SV2B: variants seen among roughly 807,000 people sequenced by gnomAD.
SV2B encodes solute carrier family 22 member B2.
In SV2B, 41 loss-of-function variants were observed where a neutral mutation model predicts 73.9. The observed-to-expected ratio is 0.56, with a 90% CI of 0.43 to 0.72. SV2B has a LOEUF of 0.72. Ranked by LOEUF, SV2B falls within the 30% of genes least tolerant of loss-of-function variation. The pLI is 0.00. For missense variants in SV2B, 764 were observed against 857.8 expected (o/e 0.89, Z 1.37); for synonymous variants, 314 against 314.2 (o/e 1.00, Z 0.01).
At chr15:91,131,886 G>A (rs527459960) in intron 1 of SV2B, among the ~76,000 whole-genome samples, 1 of 152,066 alleles carries the variant, frequency 6.6e-6, no homozygotes, top group Non-Finnish European at 1.5e-5. Context: ...TTGCTTGAAC[G>A]TGGGAGGCAG....
At chr15:91,181,814 C>T (rs2044588042) in intron 1 of SV2B, among the ~76,000 whole-genome samples, 1 of 151,130 alleles carries the variant, frequency 6.6e-6, no homozygotes, top group African/African-American at 2.4e-5. Flanking sequence ...GGGGTATTTG[C>T]AAAGTAATGT....
At chr15:91,266,142 A>G (rs12914276) in intron 6 of SV2B, among the ~76,000 whole-genome samples, 41,938 of 152,188 alleles carry the variant, frequency 0.28, 7,024 homozygotes, top group African/African-American at 0.47. Flanking sequence ...ACTGTGTCTC[A>G]AAAAACAAAA....
intron 1 of SV2B, among the ~76,000 whole-genome samples, chr15:91,212,656 G>C (rs1272672676): frequency 6.6e-6 from 1 of 151,970 alleles, no homozygotes; most frequent in African/African-American, 2.4e-5. Flanking sequence ...TGTTCTGGTA[G>C]AGAATAAAGG....
rs11858147 is a variant in SV2B at position 91,117,594 on chromosome 15, C to T, written c.-392+17231C>T. 8.8e-3 allele frequency among the ~76,000 whole-genome samples: 1,348 copies of T among 152,344 alleles called. 17 individuals carry two copies. The highest frequency in any genetic ancestry group is 0.031 in the African/African-American group (1,289 of 41,572). The stretch of plus-strand genomic sequence containing the variant: ...CAGCAGCTACCAGGGACATATTCTT[C>T]TCCTTCTTCTCATGCCAAATGGCAG... On this transcript the variant is annotated intron_variant, in intron 1 of 12. Transcript: ENST00000394232.
At chr15:91,211,985 T>C (rs2045885286) in intron 1 of SV2B, among the ~76,000 whole-genome samples, 1 of 152,130 alleles carries the variant, frequency 6.6e-6, no homozygotes, top group Admixed American at 6.5e-5. Flanking sequence ...GAATTATTTT[T>C]GAATCAACTC....
intron 1 of SV2B, among the ~76,000 whole-genome samples, chr15:91,172,040 G>A (rs952830854): frequency 1.3e-5 from 2 of 152,188 alleles, no homozygotes; most frequent in African/African-American, 4.8e-5. Flanking sequence ...GGGGTTAAGT[G>A]TATGTGTACA....
chr15:91,260,645 A>T (rs532286849), intron 6 of SV2B, among the ~76,000 whole-genome samples: 2 of 152,270 alleles, frequency 1.3e-5, no homozygotes, highest in East Asian at 1.9e-4. Context: ...TCATGCCTGT[A>T]ATCCCAGCAC....
rs763065799 is a variant in SV2B, at chr15:91,292,443, T to C, written c.1943T>C (p.Phe648Ser). ...CTGGGAAACACCATCTTTGCTTCTT[T>C]TGTTGGGATAACCAAAGTGGTCCCC... is the stretch of plus-strand genomic sequence containing the variant. ...AILGNTIFAS[F>S]VGITKVVPIL... Residue 648 changes from phenylalanine (F) to serine (S), a missense_variant, in exon 13 of 13, where the codon TTT becomes TCT. Phe to Ser is a radical substitution (Grantham distance 155, BLOSUM62 -2). Transcript: ENST00000394232. The C allele has an allele frequency of 5.6e-6, 9 of 1,614,216 alleles. No individual in the cohort carries two copies. Among genetic ancestry groups the C allele is most frequent in the Non-Finnish European group, 7.6e-6 (9 of 1,180,040 alleles).
rs566759170 is a variant in SV2B at position 91,253,223 on chromosome 15, A to G, written c.784+703A>G. Among the ~76,000 whole-genome samples, 6 of 152,242 alleles carry G rather than the reference A, an allele frequency of 3.9e-5. No homozygotes were observed. The highest frequency in any genetic ancestry group is 8.8e-5 in the Non-Finnish European group (6 of 68,040). On this transcript the variant is annotated intron_variant, in intron 4 of 12. Coordinates refer to ENST00000394232, the MANE Select transcript of SV2B (RefSeq NM_001323032.3). The surrounding 1 kb of genome is among the most constrained non-coding windows in gnomAD (Gnocchi z 5.0). ...TTGACTTTGATTCTGCTTTTGGAGT[A>G]TACTTAGTAATACTATCATCATCAT... is the stretch of plus-strand genomic sequence containing the variant.
intron 1 of SV2B, among the ~76,000 whole-genome samples, chr15:91,217,421 G>T (rs986688045): frequency 6.6e-6 from 1 of 152,074 alleles, no homozygotes; most frequent in Non-Finnish European, 1.5e-5. Flanking sequence ...CTGAACGTTT[G>T]GGGGGAGGGG....
rs565710199 is a variant in SV2B at position 91,165,489 on chromosome 15, A to T, written c.-391-60384A>T. ...AAGTAATGCAGATGATTTAAAGTAT[A>T]TGGCAGGCTGTGCATAGGTTATATA... On this transcript the variant is annotated intron_variant, in intron 1 of 12. Transcript: ENST00000394232. Among the ~76,000 whole-genome samples the T allele has an allele frequency of 1.7e-4, 26 of 152,334 alleles. No individual in the cohort carries two copies. In the South Asian group the frequency reaches 4.8e-3, roughly 28 times the overall value.
intron 1 of SV2B, among the ~76,000 whole-genome samples, chr15:91,215,491 G>C (rs954819442): frequency 1.3e-5 from 2 of 151,920 alleles, no homozygotes; most frequent in East Asian, 1.9e-4. Flanking sequence ...CAGAGGAACA[G>C]AGAGAGAGAG....
In SV2B at chr15:91,223,625, T is replaced by C. The variant is rs2046285321; in HGVS notation, c.-391-2248T>C. On this transcript the variant is annotated intron_variant, in intron 1 of 12. Transcript: ENST00000394232. The surrounding 1 kb of genome is among the most constrained non-coding windows in gnomAD (Gnocchi z 4.6). ...CAGTCAGGTGGCGTTCTTTCCATGT[T>C]TTTATAGCGCTCTGCAAACTCTCCT... Among the ~76,000 whole-genome samples the C allele has an allele frequency of 6.6e-6, 1 of 152,164 alleles. No individual in the cohort carries two copies. Among genetic ancestry groups the C allele is most frequent in the East Asian group, 1.9e-4 (1 of 5,202 alleles).
chr15:91,281,095 G>A lies in SV2B; in HGVS notation c.1374-633G>A, dbSNP rs551216524. ...TAGTAATCCATTGTTGTTACAAGCA[G>A]TGTTACAATGAAGATCAGTGAATGT... is the stretch of plus-strand genomic sequence containing the variant. On this transcript the variant is annotated intron_variant, in intron 9 of 12. Transcript: ENST00000394232. The surrounding 1 kb of genome is among the most constrained non-coding windows in gnomAD (Gnocchi z 4.7). 1.3e-5 allele frequency among the ~76,000 whole-genome samples: 2 copies of A among 152,324 alleles called. No individual in the cohort carries two copies. The highest frequency in any genetic ancestry group is 3.9e-4 in the East Asian group (2 of 5,192).
chr15:91,206,967 G>T (rs2045664080), intron 1 of SV2B, among the ~76,000 whole-genome samples: 1 of 152,096 alleles, frequency 6.6e-6, no homozygotes, highest in African/African-American at 2.4e-5. Context: ...TTGAGAGAGT[G>T]AGAAGGGAGA....
chr15:91,190,469 C>G (rs988124139), intron 1 of SV2B, among the ~76,000 whole-genome samples: 1 of 152,082 alleles, frequency 6.6e-6, no homozygotes, highest in African/African-American at 2.4e-5. Flanking sequence ...GAAAATTCCC[C>G]CATTCAGCAG....
At chr15:91,204,505 A>G (rs2045566355) in intron 1 of SV2B, among the ~76,000 whole-genome samples, 1 of 150,798 alleles carries the variant, frequency 6.6e-6, no homozygotes, top group Admixed American at 6.6e-5. Context: ...TGAGATTTAC[A>G]CACATCCACC....
At chr15:91,126,874 A>G (rs1472734005) in intron 1 of SV2B, among the ~76,000 whole-genome samples, 2 of 152,274 alleles carry the variant, frequency 1.3e-5, no homozygotes, top group African/African-American at 4.8e-5. Flanking sequence ...GGACACTTCT[A>G]AAAACCCCAC....
chr15:91,178,383 G>A (rs1219046430), intron 1 of SV2B, among the ~76,000 whole-genome samples: 2 of 150,026 alleles, frequency 1.3e-5, no homozygotes, highest in Non-Finnish European at 3.0e-5. Context: ...CCAGCCTTTC[G>A]TATCAGGAGG....
Sources: gnomAD v4.1 joint callset for allele counts (sites outside exome capture counted in the v4.1 genomes callset) on GRCh38, gnomAD v4.1.1 for gene constraint, Gnocchi (gnomAD v3.1) non-coding constraint, MANE v1.5 for transcripts, NCBI Gene and HGNC (gene_info 2026-07-23, HGNC 2026-07-21) for gene names.